Variants in HSF2BP observed in about 807,000 individuals in gnomAD.
The protein encoded by HSF2BP is heat shock factor 2-binding protein.
A neutral mutation model predicts 35.0 loss-of-function variants in HSF2BP; 35 were observed. That is an observed-to-expected ratio of 1.00 (90% CI 0.76 to 1.32). The LOEUF is 1.32. HSF2BP is among the 40% of genes most tolerant of loss of function. The pLI is 0.00. For missense variants in HSF2BP, 326 were observed against 321.7 expected (o/e 1.01, Z -0.10); for synonymous variants, 114 against 117.4 (o/e 0.97, Z 0.18).
rs555400200 is a variant in HSF2BP, at chr21:43,596,376, T to C, written c.693-4048A>G. On this transcript the variant is annotated intron_variant, in intron 7 of 8. Transcript: ENST00000291560. ...GAATATACAAAAATAAAACTTGTGATGCTAGTGAAATACACACACACACAC... is the reference window on the plus strand; with the variant it reads ...GAATATACAAAAATAAAACTTGTGACGCTAGTGAAATACACACACACACAC... Among the ~76,000 whole-genome samples, 33 of 151,186 alleles carry C rather than the reference T, an allele frequency of 2.2e-4. No individual in the cohort carries two copies. In the South Asian group the frequency reaches 6.6e-3, roughly 30 times the overall value.
chr21:43,624,063 T>C (rs2082361610), intron 6 of HSF2BP, among the ~76,000 whole-genome samples: 2 of 152,238 alleles, frequency 1.3e-5, no homozygotes, highest in African/African-American at 4.8e-5. Flanking sequence ...GTACAGTCAC[T>C]GTGGAAACCT....
chr21:43,581,393 A>C (rs1417672642), intron 8 of HSF2BP, among the ~76,000 whole-genome samples: 8 of 152,074 alleles, frequency 5.3e-5, no homozygotes, highest in Admixed American at 4.6e-4. Flanking sequence ...CTCAAAAAAA[A>C]AAAAAGAAAG....
chr21:43,626,870 T>TAA (rs2082396334), intron 6 of HSF2BP, among the ~76,000 whole-genome samples: 1 of 145,332 alleles, frequency 6.9e-6, no homozygotes, highest in Admixed American at 7.3e-5. Flanking sequence ...CCAAGAAATT[T>TAA]TTTTTTTTTT....
rs9982760 is a variant in HSF2BP, at chr21:43,637,263, A to G, written c.292-3842T>C. On this transcript the variant is annotated intron_variant, in intron 4 of 8. Transcript: ENST00000291560. ...AAGAATAAATGATGTATGCTATAAC[A>G]CAAATAAACCTTCAAAACATTATGC... is the stretch of plus-strand genomic sequence containing the variant. Among the ~76,000 whole-genome samples, 490 of 152,354 alleles carry G rather than the reference A, an allele frequency of 3.2e-3. 2 individuals are homozygous for G. The highest frequency in any genetic ancestry group is 0.011 in the African/African-American group (453 of 41,592).
At chr21:43,594,418 G>A (rs2081961028) in intron 7 of HSF2BP, among the ~76,000 whole-genome samples, 1 of 152,172 alleles carries the variant, frequency 6.6e-6, no homozygotes, top group Non-Finnish European at 1.5e-5. Flanking sequence ...GTCCATGAAT[G>A]CATATAATCC....
At chr21:43,590,381 G>A (rs902884941) in intron 8 of HSF2BP, among the ~76,000 whole-genome samples, 6 of 152,182 alleles carry the variant, frequency 3.9e-5, no homozygotes, top group African/African-American at 1.2e-4. Context: ...ATGCTGCTGG[G>A]AATGTAAGAT....
chr21:43,501,471 C>T, the HSF2BP span, among the ~76,000 whole-genome samples: 1 of 51,132 alleles, frequency 2.0e-5, no homozygotes, highest in South Asian at 6.4e-4. Context: ...GGCACGATCT[C>T]GGCTCACTGC....
chr21:43,633,185 A>G (rs1475635994), intron 5 of HSF2BP, 87 bp downstream of exon 5: 10 of 1,368,864 alleles, frequency 7.3e-6, no homozygotes, highest in Admixed American at 2.4e-5. Context: ...ATATGGACTT[A>G]GTCTTTAAAT....
At chr21:43,640,038 A>G (rs1218020324) in intron 4 of HSF2BP, among the ~76,000 whole-genome samples, 1 of 152,356 alleles carries the variant, frequency 6.6e-6, no homozygotes, top group East Asian at 1.9e-4. Context: ...CCCATGGCTC[A>G]TGCCTGTAAT....
chr21:43,646,363 A>C (rs2082708712), intron 3 of HSF2BP, among the ~76,000 whole-genome samples: 1 of 152,240 alleles, frequency 6.6e-6, no homozygotes, highest in African/African-American at 2.4e-5. Context: ...TTTGTAACAA[A>C]GTTAAATGGA....
rs1330263200 is a variant in HSF2BP, at chr21:43,659,352, G to T, written c.-225+34C>A. 1.2e-5 allele frequency: 2 copies of T among 167,944 alleles called. No homozygotes were observed. The highest frequency in any genetic ancestry group is 2.5e-5 in the Non-Finnish European group (2 of 78,454). The allele number at this position is 167,944 out of a possible 1,614,324, so 10.4% of individuals were successfully genotyped here. A position where few individuals can be genotyped will look rare whatever the true frequency, so the allele number is the denominator to read the frequency against. ...CTAGACCGTTTACAAACAGCCTTCCGTCTCTTCCTGGTCAAGTCCTAACCC... is the reference window on the plus strand; with the variant it reads ...CTAGACCGTTTACAAACAGCCTTCCTTCTCTTCCTGGTCAAGTCCTAACCC... On this transcript the variant is annotated intron_variant, in intron 1 of 8. Transcript: ENST00000291560. This position sits in a 1 kb window ranked among gnomAD's most constrained non-coding sequence, Gnocchi z 4.2.
rs569506219 is a variant in HSF2BP at position 43,647,764 on chromosome 21, A to G, written c.188-3372T>C. ...GACAACATGGCAAAACCCCATCTCT[A>G]CTAAAAATACAAAAATTAGCCCAGC... On this transcript the variant is annotated intron_variant, in intron 3 of 8. Transcript: ENST00000291560. Among the ~76,000 whole-genome samples the G allele has an allele frequency of 1.8e-4, 27 of 152,092 alleles. No individual in the cohort carries two copies. In the South Asian group the frequency reaches 5.0e-3, roughly 28 times the overall value.
chr21:43,651,754 T>C (rs1035692209), intron 3 of HSF2BP, among the ~76,000 whole-genome samples: 1 of 152,212 alleles, frequency 6.6e-6, no homozygotes. Context: ...CATGTGTGAC[T>C]TTCACATGCC....
chr21:43,644,295 CTCTCT>C lies in HSF2BP; in HGVS notation c.280_284del (p.Arg94GlufsTer13). 6.2e-7 allele frequency: 1 copy of C among 1,613,334 alleles called. No individual in the cohort carries two copies. The highest frequency in any genetic ancestry group is 2.2e-5 in the East Asian group (1 of 44,884). On this transcript the variant is annotated frameshift_variant, in exon 4 of 9. Coordinates refer to ENST00000291560, the MANE Select transcript of HSF2BP (RefSeq NM_007031.2). LOFTEE classifies it high-confidence loss of function. ...CTGTCCCTGAGCATGGTACCTTCTTCTCTCTTATGTTGTCGGCCTGCACGGTTTCC... is the reference window on the plus strand; with the variant it reads ...CTGTCCCTGAGCATGGTACCTTCTTCTATGTTGTCGGCCTGCACGGTTTCC...
intron 4 of HSF2BP, among the ~76,000 whole-genome samples, chr21:43,638,408 C>T (rs985772056): frequency 1.3e-5 from 2 of 151,590 alleles, no homozygotes; most frequent in East Asian, 1.9e-4. Flanking sequence ...TAGTGAGCTG[C>T]GATCACACCA....
chr21:43,579,910 A>G (rs2081701143), intron 8 of HSF2BP, among the ~76,000 whole-genome samples: 1 of 152,194 alleles, frequency 6.6e-6, no homozygotes, highest in South Asian at 2.1e-4. Context: ...CAGTGTTTAT[A>G]TCTCTATTTT....
chr21:43,600,787 C>T (rs17004585), intron 7 of HSF2BP, among the ~76,000 whole-genome samples: 6,247 of 152,264 alleles, frequency 0.041, 441 homozygotes, highest in African/African-American at 0.14. Flanking sequence ...GAGTTGAATT[C>T]CCTTGGTGAA....
At chr21:43,636,443 T>C (rs2082560194) in intron 4 of HSF2BP, among the ~76,000 whole-genome samples, 1 of 152,124 alleles carries the variant, frequency 6.6e-6, no homozygotes, top group African/African-American at 2.4e-5. Context: ...CTTCAAAAGA[T>C]ACCTTATAAA....
At chr21:43,600,713 A>G (rs76397266) in intron 7 of HSF2BP, among the ~76,000 whole-genome samples, 3,775 of 152,342 alleles carry the variant, frequency 0.025, 48 homozygotes, top group Middle Eastern at 0.065. Context: ...ATGAAGACAT[A>G]CAAAAAGATA....
Sources: allele counts gnomAD v4.1 joint callset (sites outside exome capture counted in the v4.1 genomes callset), GRCh38; gene constraint gnomAD v4.1.1; non-coding constraint Gnocchi (gnomAD v3.1); transcripts MANE v1.5; gene names NCBI Gene and HGNC (gene_info 2026-07-23, HGNC 2026-07-21).